The following RTN4RL1 variants were observed in gnomAD, a reference collection of about 807,000 sequenced individuals.
RTN4RL1 encodes reticulon 4 receptor like 1.
A neutral mutation model predicts 25.6 loss-of-function variants in RTN4RL1; 7 were observed. The observed-to-expected ratio is 0.27, with a 90% confidence interval of 0.16 to 0.51. The LOEUF (loss-of-function observed/expected upper bound fraction) is 0.51, where lower values mean the gene tolerates loss of function less well. RTN4RL1 is among the 20% of genes least tolerant of loss of function. The pLI, the probability that RTN4RL1 is intolerant of heterozygous loss-of-function variation, is 0.97. For missense variants in RTN4RL1, 500 were observed against 615.6 expected (o/e 0.81, Z 1.99); for synonymous variants, 297 against 288.2 (o/e 1.03, Z -0.31).
chr17:2,009,146 T>C (rs922724803), intron 1 of RTN4RL1, among the ~76,000 whole-genome samples: 1 of 152,184 alleles, frequency 6.6e-6, no homozygotes, highest in African/African-American at 2.4e-5. Context: ...CTAAGTTCTA[T>C]GTTGTATGCT....
At chr17:2,019,457 C>G (rs900796144) in intron 1 of RTN4RL1, 3 of 152,282 alleles carry the variant, frequency 2.0e-5, no homozygotes, top group Non-Finnish European at 4.4e-5. Context: ...CTTTTTAAAG[C>G]CTCATCCCAA....
At chr17:1,991,617 A>G (rs1282724794) in intron 1 of RTN4RL1, among the ~76,000 whole-genome samples, 3 of 152,252 alleles carry the variant, frequency 2.0e-5, no homozygotes, top group Middle Eastern at 3.4e-3. Context: ...ATCACATACA[A>G]GCATGTCTTT....
chr17:2,024,800 G>C lies in RTN4RL1; in HGVS notation c.13+53C>G, dbSNP rs2067251669. 3.3e-6 allele frequency: 5 copies of C among 1,534,770 alleles called. No homozygotes were observed. In the Admixed American group the frequency reaches 1.0e-4, roughly 31 times the overall value. On this transcript the variant is annotated intron_variant, in intron 1 of 1. Transcript: ENST00000331238. The stretch of plus-strand genomic sequence containing the variant: ...GGCGCCGGGCGGCGCCCGGGCTCGC[G>C]GCTCTTTCCGGAGCGCATTCAACTT...
At chr17:1,957,216 G>C (rs993334677) in intron 1 of RTN4RL1, among the ~76,000 whole-genome samples, 1 of 152,198 alleles carries the variant, frequency 6.6e-6, no homozygotes, top group Non-Finnish European at 1.5e-5. Flanking sequence ...ATTTGCTGAT[G>C]AGTCACCTTT....
chr17:1,990,615 C>T (rs780721080), intron 1 of RTN4RL1, among the ~76,000 whole-genome samples: 5 of 151,974 alleles, frequency 3.3e-5, no homozygotes, highest in Non-Finnish European at 5.9e-5. Context: ...GTGGGAGGAT[C>T]GCTTGAGCCC....
Position 2,024,982 on chromosome 17 carries a change from C to G in RTN4RL1, c.-117G>C. 1.7e-6 allele frequency: 2 copies of G among 1,157,508 alleles called. No homozygotes were observed. The highest frequency in any genetic ancestry group is 2.8e-5 in the South Asian group (2 of 71,882). 71.7% of individuals were successfully genotyped at this position (1,157,508 alleles called of 1,614,324 possible). ...CCGAGCGCGTCGAGGCGGGGGCAAG[C>G]CGGGGATCCGCTCGTGCCCGGTGGC... is the stretch of plus-strand genomic sequence containing the variant. On this transcript the variant is annotated 5_prime_UTR_variant, in exon 1 of 2. Coordinates refer to ENST00000331238, the MANE Select transcript of RTN4RL1 (RefSeq NM_178568.4).
intron 1 of RTN4RL1, among the ~76,000 whole-genome samples, chr17:1,972,949 T>C (rs1016266061): frequency 1.4e-4 from 22 of 152,102 alleles, no homozygotes; most frequent in African/African-American, 3.9e-4. Flanking sequence ...AAATGCAGAG[T>C]CCGACCCCCA....
intron 1 of RTN4RL1, among the ~76,000 whole-genome samples, chr17:2,007,275 C>G (rs1271119225): frequency 1.3e-5 from 2 of 151,204 alleles, no homozygotes; most frequent in Non-Finnish European, 2.9e-5. Flanking sequence ...CTCTGTACAC[C>G]TTCCTCCTCT....
At chr17:2,001,947 A>T in intron 1 of RTN4RL1, among the ~76,000 whole-genome samples, 1 of 69,566 alleles carries the variant, frequency 1.4e-5, no homozygotes, top group Admixed American at 1.4e-4. Context: ...GAGGGGAGGG[A>T]GTGGGGGGAG....
intron 1 of RTN4RL1, among the ~76,000 whole-genome samples, chr17:1,945,712 T>C (rs1227406598): frequency 2.6e-5 from 4 of 152,214 alleles, no homozygotes; most frequent in African/African-American, 9.7e-5. Context: ...GATTTCCTTA[T>C]TTTTCTTATT....
In RTN4RL1 at chr17:2,024,912, T is replaced by C. The variant is rs774102179; in HGVS notation, c.-47A>G. On this transcript the variant is annotated 5_prime_UTR_variant, in exon 1 of 2. Transcript: ENST00000331238. ...CCGAGGTCGGCCTAGGCGCACTCCC[T>C]CCCGGGGTCCAGATTCAAATCCCTG... 3.2e-6 allele frequency: 5 copies of C among 1,557,590 alleles called. No homozygotes were observed. Among genetic ancestry groups the C allele is most frequent in the Middle Eastern group, 1.7e-4 (1 of 5,944 alleles).
chr17:1,970,366 AAGGTAG>A (rs1293689507), intron 1 of RTN4RL1, among the ~76,000 whole-genome samples: 1 of 152,144 alleles, frequency 6.6e-6, no homozygotes, highest in East Asian at 1.9e-4. Context: ...TCTCTCCAGC[AAGGTAG>A]CTGGATTTTT....
At chr17:1,982,005 T>C (rs1214904783) in intron 1 of RTN4RL1, among the ~76,000 whole-genome samples, 1 of 152,170 alleles carries the variant, frequency 6.6e-6, no homozygotes, top group African/African-American at 2.4e-5. Flanking sequence ...AGTGAGTATT[T>C]ATGTATTGAA....
At chr17:1,984,223 C>T (rs1486892978) in intron 1 of RTN4RL1, among the ~76,000 whole-genome samples, 2 of 152,222 alleles carry the variant, frequency 1.3e-5, no homozygotes, top group East Asian at 3.9e-4. Flanking sequence ...TTCTAGGGGC[C>T]TGTGGATGCC....
intron 1 of RTN4RL1, among the ~76,000 whole-genome samples, chr17:1,963,258 C>T (rs1231008596): frequency 6.6e-6 from 1 of 152,238 alleles, no homozygotes; most frequent in Non-Finnish European, 1.5e-5. Flanking sequence ...GTAGAGCTGT[C>T]TGTGAGCCCC....
Position 1,962,630 on chromosome 17 carries a change from C to T in RTN4RL1, c.14-24822G>A, listed in dbSNP as rs529036989. 3.9e-5 allele frequency among the ~76,000 whole-genome samples: 6 copies of T among 151,930 alleles called. No individual in the cohort carries two copies. The East Asian group carries it at 1.2e-3, about 30-fold the overall frequency. ...CTGTAATCCCAGCACTTTGGGAGGC[C>T]GAGGCAGGTGGATCATTTGAGGTCA... On this transcript the variant is annotated intron_variant, in intron 1 of 1. Coordinates refer to ENST00000331238, the MANE Select transcript of RTN4RL1 (RefSeq NM_178568.4).
At chr17:2,024,394 A>AGGGCGCGCGGG (rs1442234831) in intron 1 of RTN4RL1, among the ~76,000 whole-genome samples, 2 of 152,112 alleles carry the variant, frequency 1.3e-5, no homozygotes, top group African/African-American at 4.8e-5. Flanking sequence ...CTGGGGAGCT[A>AGGGCGCGCGGG]GGGCGCGCGG....
chr17:1,983,577 T>G, intron 1 of RTN4RL1, among the ~76,000 whole-genome samples: 1 of 151,542 alleles, frequency 6.6e-6, no homozygotes, highest in South Asian at 2.1e-4. Context: ...AGCTTCTATT[T>G]TTTCTGTAGA....
Position 1,937,782 on chromosome 17 carries a change from A to G in RTN4RL1, c.40T>C (p.Leu14=). The G allele has an allele frequency of 1.3e-6, 2 of 1,596,952 alleles. No homozygotes were observed. Among genetic ancestry groups the G allele is most frequent in the South Asian group, 2.2e-5 (2 of 90,728 alleles). ...CCCAGGGGCAGCTCCGCAGCTACCA[A>G]CAGCAGCAGCAACTCCACACAGCAC... ...KGCCVELLLL[L]VAAELPLGGG... is the part of the protein sequence containing the mutation. The change falls in exon 2 of 2, where the codon TTG becomes CTG. Residue 14 remains leucine, a synonymous_variant. Transcript: ENST00000331238.
Sources: allele counts gnomAD v4.1 joint callset (sites outside exome capture counted in the v4.1 genomes callset), GRCh38; gene constraint gnomAD v4.1.1; transcripts MANE v1.5; gene names NCBI Gene and HGNC (gene_info 2026-07-23, HGNC 2026-07-21).